Variants in KLRG1 observed in about 807,000 individuals in gnomAD.
KLRG1 encodes killer cell lectin like receptor G1.
KLRG1 carries 16 observed loss-of-function variants against 21.8 expected under a neutral mutation model. The observed-to-expected ratio is 0.73, with a 90% CI of 0.50 to 1.11. The LOEUF is 1.11. KLRG1 is among the 50% of genes most tolerant of loss of function. The pLI, the probability that KLRG1 is intolerant of heterozygous loss-of-function variation, is 0.00. For synonymous variants in KLRG1, 69 were observed against 75.9 expected (o/e 0.91, Z 0.47); for missense variants, 173 against 218.3 (o/e 0.79, Z 1.31).
At chr12:9,187,882 C>A in the KLRG1 span, among the ~76,000 whole-genome samples, 1 of 152,316 alleles carries the variant, frequency 6.6e-6, no homozygotes, top group African/African-American at 2.4e-5. Flanking sequence ...AAATGGCAGC[C>A]AGCCTCACCC....
the KLRG1 span, among the ~76,000 whole-genome samples, chr12:9,188,642 A>G: frequency 5.9e-5 from 9 of 152,218 alleles, no homozygotes; most frequent in East Asian, 1.7e-3. Context: ...TTGGCCCCAA[A>G]GCTCCTTAAG....
At chr12:9,079,707 T>C in the KLRG1 span, 1 of 1,613,780 alleles carries the variant, frequency 6.2e-7, no homozygotes, top group Non-Finnish European at 8.5e-7. Flanking sequence ...ATTTAGATAA[T>C]CCAGTACATA....
the KLRG1 span, among the ~76,000 whole-genome samples, chr12:9,092,444 C>T: frequency 6.6e-6 from 1 of 151,858 alleles, no homozygotes; most frequent in Non-Finnish European, 1.5e-5. Flanking sequence ...ACAGAGAGAA[C>T]AGGCAAAATC....
At chr12:8,951,364 G>C (rs201339203) in intron 1 of KLRG1, among the ~76,000 whole-genome samples, 1 of 152,130 alleles carries the variant, frequency 6.6e-6, no homozygotes, top group African/African-American at 2.4e-5. Context: ...AGCTGCTTGG[G>C]AGCCTGAGGC....
chr12:8,991,789 C>T (rs752091848), intron 1 of KLRG1, among the ~76,000 whole-genome samples: 23 of 152,120 alleles, frequency 1.5e-4, no homozygotes, highest in South Asian at 1.2e-3. Flanking sequence ...ATTGCTGCCA[C>T]GAATAAATAT....
At chr12:9,192,783 C>T in the KLRG1 span, 3 of 1,377,518 alleles carry the variant, frequency 2.2e-6, no homozygotes, top group Admixed American at 1.8e-5. Context: ...TCTTGAAATT[C>T]TTCACCTTAG....
At chr12:9,001,164 T>C (rs934784097) in intron 3 of KLRG1, among the ~76,000 whole-genome samples, 2 of 152,206 alleles carry the variant, frequency 1.3e-5, no homozygotes, top group Non-Finnish European at 2.9e-5. Flanking sequence ...TGAGACATGT[T>C]TTCAAGTGAA....
the KLRG1 span, chr12:9,127,852 C>A: frequency 4.0e-6 from 1 of 248,216 alleles, no homozygotes; most frequent in South Asian, 4.5e-5. Context: ...AGATCTGCGA[C>A]TGGGCCCCGG....
chr12:9,024,224 A>G, the KLRG1 span, among the ~76,000 whole-genome samples: 5 of 151,634 alleles, frequency 3.3e-5, no homozygotes, highest in African/African-American at 1.2e-4. Flanking sequence ...GACAGGGGTC[A>G]CTATGTTGGC....
At chr12:9,052,412 T>C in the KLRG1 span, among the ~76,000 whole-genome samples, 1 of 152,312 alleles carries the variant, frequency 6.6e-6, no homozygotes, top group African/African-American at 2.4e-5. Flanking sequence ...AGTCTACCAG[T>C]GCCACATGCC....
the KLRG1 span, among the ~76,000 whole-genome samples, chr12:9,134,518 G>A: frequency 6.6e-6 from 1 of 152,096 alleles, no homozygotes; most frequent in South Asian, 2.1e-4. Context: ...AATCTCCAGA[G>A]CTTATTTACC....
chr12:9,213,065 A>G, the KLRG1 span, among the ~76,000 whole-genome samples: 3 of 152,180 alleles, frequency 2.0e-5, no homozygotes, highest in Non-Finnish European at 4.4e-5. Flanking sequence ...ATCATAATAT[A>G]TGTGGCCTAT....
the KLRG1 span, chr12:9,151,603 C>A: frequency 6.2e-7 from 1 of 1,613,336 alleles, no homozygotes; most frequent in South Asian, 1.1e-5. Flanking sequence ...AGAGCCCTCA[C>A]CTGTTCCACA....
At chr12:9,165,790 C>T in the KLRG1 span, among the ~76,000 whole-genome samples, 1 of 152,274 alleles carries the variant, frequency 6.6e-6, no homozygotes, top group Non-Finnish European at 1.5e-5. Flanking sequence ...CGACATTAAG[C>T]AGTATATATA....
At chr12:9,184,235 G>A in the KLRG1 span, among the ~76,000 whole-genome samples, 1 of 152,262 alleles carries the variant, frequency 6.6e-6, no homozygotes, top group Non-Finnish European at 1.5e-5. Flanking sequence ...GCATTGGCAG[G>A]CACTAAGCTC....
At chr12:9,086,834 G>C in the KLRG1 span, among the ~76,000 whole-genome samples, 1 of 152,140 alleles carries the variant, frequency 6.6e-6, no homozygotes, top group African/African-American at 2.4e-5. Context: ...AATTGACAAG[G>C]AAGAAGTAAA....
the KLRG1 span, chr12:9,067,973 A>G: frequency 7.9e-6 from 8 of 1,016,124 alleles, no homozygotes; most frequent in Non-Finnish European, 1.1e-5. Flanking sequence ...AATCTATTCC[A>G]AATCATTACC....
the KLRG1 span, among the ~76,000 whole-genome samples, chr12:9,062,799 T>C: frequency 8.2e-4 from 122 of 149,376 alleles, no homozygotes; most frequent in African/African-American, 2.3e-3. Context: ...ATAGTAAATA[T>C]CTATTGTGTT....
chr12:9,199,328 A>T, the KLRG1 span, among the ~76,000 whole-genome samples: 1 of 152,178 alleles, frequency 6.6e-6, no homozygotes, highest in Non-Finnish European at 1.5e-5. Context: ...CCATCGTATC[A>T]GCGCATCCTC....
Sources: allele counts gnomAD v4.1 joint callset (sites outside exome capture counted in the v4.1 genomes callset), GRCh38; gene constraint gnomAD v4.1.1; transcripts MANE v1.5; gene names NCBI Gene and HGNC (gene_info 2026-07-23, HGNC 2026-07-21).